The following FAM107B variants were observed in gnomAD, a reference collection of about 807,000 sequenced individuals.
FAM107B encodes family with sequence similarity 107 member B, also known as protein FAM107B.
A neutral mutation model predicts 31.5 loss-of-function variants in FAM107B; 21 were observed. That is an observed-to-expected ratio of 0.67 (90% CI 0.47 to 0.96). FAM107B has a LOEUF of 0.96. FAM107B is among the 40% of genes least tolerant of loss of function. The pLI is 0.00. For synonymous variants in FAM107B, 157 were observed against 141.5 expected (o/e 1.11, Z -0.78); for missense variants, 452 against 377.1 (o/e 1.20, Z -1.64).
At chr10:14,549,917 G>A (rs988380596) in intron 2 of FAM107B, among the ~76,000 whole-genome samples, 1 of 152,188 alleles carries the variant, frequency 6.6e-6, no homozygotes, top group African/African-American at 2.4e-5. Flanking sequence ...ACAGAATGAT[G>A]AAAGCCTAAA....
At chr10:14,602,755 CTTT>C (rs909979010) in intron 2 of FAM107B, 17 of 152,132 alleles carry the variant, frequency 1.1e-4, no homozygotes, top group Non-Finnish European at 2.1e-4. Flanking sequence ...GTCCATGAAA[CTTT>C]TTTGTCAGCC....
chr10:14,730,376 G>A lies in FAM107B; in HGVS notation c.411+43877C>T, dbSNP rs116754244. 2.6e-3 allele frequency among the ~76,000 whole-genome samples: 398 copies of A among 152,294 alleles called. 2 individuals are homozygous for A. Among genetic ancestry groups the A allele is most frequent in the African/African-American group, 8.7e-3 (360 of 41,554 alleles). ...GTGCCCTGACCCGACTCTTGCCCAA[G>A]ATGATATTCTTGAGCTGGGATTTAA... On this transcript the variant is annotated intron_variant, in intron 1 of 4. Coordinates refer to ENST00000181796, the MANE Select transcript of FAM107B (RefSeq NM_031453.4).
intron 1 of FAM107B, among the ~76,000 whole-genome samples, chr10:14,680,488 C>T (rs147227298): frequency 0.026 from 3,886 of 151,442 alleles, 175 homozygotes; most frequent in African/African-American, 0.087. Context: ...GCAGGAGAAT[C>T]GCTTGAACCC....
chr10:14,620,264 A>G (rs1455110126), intron 2 of FAM107B, among the ~76,000 whole-genome samples: 2 of 151,978 alleles, frequency 1.3e-5, no homozygotes, highest in East Asian at 1.9e-4. Flanking sequence ...TGATCCGCCC[A>G]CCTTGGCCTC....
At chr10:14,710,040 A>T (rs1261695916) in intron 1 of FAM107B, among the ~76,000 whole-genome samples, 3 of 152,186 alleles carry the variant, frequency 2.0e-5, no homozygotes, top group Non-Finnish European at 2.9e-5. Context: ...CACTGAATGT[A>T]CAGTACCAAG....
intron 2 of FAM107B, among the ~76,000 whole-genome samples, chr10:14,648,312 C>G (rs1374928891): frequency 6.6e-6 from 1 of 152,186 alleles, no homozygotes; most frequent in Non-Finnish European, 1.5e-5. Context: ...TGCAATCACT[C>G]TGGCCATTTG....
At chr10:14,711,972 G>T (rs117584236) in intron 1 of FAM107B, among the ~76,000 whole-genome samples, 1 of 152,188 alleles carries the variant, frequency 6.6e-6, no homozygotes, top group South Asian at 2.1e-4. Flanking sequence ...GTTAAGTGAC[G>T]CAAGACTTTA....
At chr10:14,607,153 C>T (rs555698187) in intron 2 of FAM107B, among the ~76,000 whole-genome samples, 11 of 152,288 alleles carry the variant, frequency 7.2e-5, no homozygotes, top group East Asian at 1.9e-4. Context: ...AACAAAGGCT[C>T]GTTCCATACT....
intron 1 of FAM107B, among the ~76,000 whole-genome samples, chr10:14,734,351 T>C (rs183203228): frequency 2.6e-3 from 394 of 152,234 alleles, no homozygotes; most frequent in Non-Finnish European, 4.3e-3. Flanking sequence ...TCCTGACCTA[T>C]AGGGAGTTGG....
At chr10:14,653,677 C>T (rs937565531) in intron 2 of FAM107B, among the ~76,000 whole-genome samples, 1 of 152,208 alleles carries the variant, frequency 6.6e-6, no homozygotes, top group Non-Finnish European at 1.5e-5. Flanking sequence ...TGTAATTATT[C>T]ATTACTGAAA....
intron 3 of FAM107B, 139 bp downstream of exon 3, chr10:14,530,193 T>C: frequency 4.2e-6 from 4 of 943,772 alleles, no homozygotes; most frequent in Non-Finnish European, 4.7e-6. Flanking sequence ...GGTTCTAGGA[T>C]GTGAGAAGGA....
chr10:14,594,418 C>G (rs1466261213), intron 2 of FAM107B, among the ~76,000 whole-genome samples: 1 of 151,338 alleles, frequency 6.6e-6, no homozygotes, highest in Non-Finnish European at 1.5e-5. Flanking sequence ...GTGGGAAGAT[C>G]CCTTGAGCCC....
At chr10:14,569,075 C>T (rs931536114) in intron 2 of FAM107B, among the ~76,000 whole-genome samples, 1 of 152,124 alleles carries the variant, frequency 6.6e-6, no homozygotes, top group African/African-American at 2.4e-5. Flanking sequence ...TGGTTCTCAT[C>T]GAAAGGTCTG....
chr10:14,554,694 A>G (rs1849548407), intron 2 of FAM107B, among the ~76,000 whole-genome samples: 1 of 152,236 alleles, frequency 6.6e-6, no homozygotes, highest in South Asian at 2.1e-4. Context: ...AGCACCAAGC[A>G]GCTAATAAGT....
At chr10:14,613,967 C>T (rs191106342) in intron 2 of FAM107B, among the ~76,000 whole-genome samples, 2 of 152,134 alleles carry the variant, frequency 1.3e-5, no homozygotes, top group Middle Eastern at 3.4e-3. Flanking sequence ...CCTATCTCTA[C>T]TAAAAATACA....
intron 2 of FAM107B, among the ~76,000 whole-genome samples, chr10:14,557,146 G>A (rs1222948403): frequency 1.3e-5 from 2 of 152,152 alleles, no homozygotes; most frequent in Non-Finnish European, 2.9e-5. Context: ...GGGTCCCTCC[G>A]TGGTCAGTCT....
chr10:14,568,248 G>A (rs1850844643), intron 2 of FAM107B, among the ~76,000 whole-genome samples: 1 of 151,634 alleles, frequency 6.6e-6, no homozygotes, highest in African/African-American at 2.4e-5. Context: ...TACAGGGTGG[G>A]AGAAGGTGCA....
In FAM107B at chr10:14,548,519, C is replaced by T; in HGVS notation, c.470-18004G>A. The T allele has an allele frequency of 3.0e-6, 3 of 985,428 alleles. No homozygotes were observed. The South Asian group carries it at 1.4e-4, about 46-fold the overall frequency. The allele number at this position is 985,428 out of a possible 1,614,324, so 61.0% of individuals were successfully genotyped here. A position where few individuals can be genotyped will look rare whatever the true frequency, so the allele number is the denominator to read the frequency against. On this transcript the variant is annotated intron_variant, in intron 2 of 4. Coordinates refer to ENST00000181796, the MANE Select transcript of FAM107B (RefSeq NM_031453.4). Reference sequence around the variant, plus strand: ...TGGAGTTGGCCCAGGGCTGCTTCATCGCTTGGAGGTGGCAGGAGGAACCTG... The same window carrying T: ...TGGAGTTGGCCCAGGGCTGCTTCATTGCTTGGAGGTGGCAGGAGGAACCTG...
At chr10:14,637,639 C>G (rs2131427682) in intron 2 of FAM107B, among the ~76,000 whole-genome samples, 1 of 152,228 alleles carries the variant, frequency 6.6e-6, no homozygotes, top group South Asian at 2.1e-4. Flanking sequence ...AAGACCCTGT[C>G]TCAAAACAAA....
Sources: gnomAD v4.1 joint callset for allele counts (sites outside exome capture counted in the v4.1 genomes callset) on GRCh38, gnomAD v4.1.1 for gene constraint, MANE v1.5 for transcripts, NCBI Gene and HGNC (gene_info 2026-07-23, HGNC 2026-07-21) for gene names.